GTF2B: variants seen among roughly 807,000 people sequenced by gnomAD.
GTF2B encodes transcription initiation factor IIB.
GTF2B carries 20 observed loss-of-function variants against 34.6 expected under a neutral mutation model. The observed-to-expected ratio is 0.58, with a 90% confidence interval of 0.41 to 0.84. GTF2B has a LOEUF of 0.84. Ranked by LOEUF, GTF2B falls within the 40% of genes least tolerant of loss-of-function variation. The probability of loss-of-function intolerance (pLI) is 0.00; values close to 1 mark genes in which losing one functional copy is unlikely to be tolerated. For synonymous variants in GTF2B, 142 were observed against 132.4 expected, an observed-to-expected ratio of 1.07 and a Z score of -0.50; for missense variants, 237 against 393.3, an observed-to-expected ratio of 0.60 and a Z score of 3.36.
chr1:88,891,534 A>C lies in GTF2B; in HGVS notation c.-35T>G, dbSNP rs768691607. On this transcript the variant is annotated 5_prime_UTR_variant, in exon 1 of 7. Transcript: ENST00000370500. ...GACTGCGGTGCCCGCAACAAGACAC[A>C]ACAGACACACCGAAAGCAGGAAGCG... The C allele has an allele frequency of 5.0e-6, 8 of 1,592,480 alleles. No individual in the cohort carries two copies. The African/African-American group carries it at 5.4e-5, about 11-fold the overall frequency.
At chr1:88,868,676 G>T (rs1293066942) in intron 2 of GTF2B, among the ~76,000 whole-genome samples, 1 of 151,920 alleles carries the variant, frequency 6.6e-6, no homozygotes, top group East Asian at 1.9e-4. Flanking sequence ...AGTCACTTTG[G>T]CACCTATCTT....
At chr1:88,863,737 A>C (rs1673492666) in intron 3 of GTF2B, among the ~76,000 whole-genome samples, 1 of 152,160 alleles carries the variant, frequency 6.6e-6, no homozygotes, top group Admixed American at 6.5e-5. Flanking sequence ...TGTGTACAGA[A>C]AATGTCATTT....
chr1:88,855,216 T>G (rs1673275140), intron 6 of GTF2B, among the ~76,000 whole-genome samples: 1 of 152,258 alleles, frequency 6.6e-6, no homozygotes, highest in Non-Finnish European at 1.5e-5. Context: ...GGATAATGGC[T>G]CCTTCAAATA....
chr1:88,860,298 T>C lies in GTF2B; in HGVS notation c.259-12A>G. 4 of 1,583,104 alleles carry C rather than the reference T, an allele frequency of 2.5e-6. No individual in the cohort carries two copies. Among genetic ancestry groups the C allele is most frequent in the Non-Finnish European group, 3.4e-6 (4 of 1,169,272 alleles). Reference sequence around the variant, plus strand: ...GCAGCTCCTGTGCCCTATAAAACAGTTTTATAACTATGAAAAAATTTTTTG... The same window carrying C: ...GCAGCTCCTGTGCCCTATAAAACAGCTTTATAACTATGAAAAAATTTTTTG... On this transcript the variant is annotated splice_polypyrimidine_tract_variant and intron_variant, in intron 3 of 6. Coordinates refer to ENST00000370500, the MANE Select transcript of GTF2B (RefSeq NM_001514.6).
At chr1:88,863,871 C>T in intron 3 of GTF2B, 110 bp downstream of exon 3, 1 of 856,346 alleles carries the variant, frequency 1.2e-6, no homozygotes, top group Non-Finnish European at 1.9e-6. Flanking sequence ...TCTTATTAGA[C>T]AGGTCAAGAT....
chr1:88,888,535 G>A lies in GTF2B; in HGVS notation c.18-1168C>T, dbSNP rs541522809. The stretch of plus-strand genomic sequence containing the variant: ...GTTGATATAAATTATGAAAAACCAT[G>A]TTGAAATAAAGGAAAATGTTAGCAG... On this transcript the variant is annotated intron_variant, in intron 1 of 6. Coordinates refer to ENST00000370500, the MANE Select transcript of GTF2B (RefSeq NM_001514.6). Among the ~76,000 whole-genome samples the A allele has an allele frequency of 7.9e-5, 12 of 152,224 alleles. No homozygotes were observed. The East Asian group carries it at 1.5e-3, about 20-fold the overall frequency.
chr1:88,862,221 T>C (rs1673454879), intron 3 of GTF2B, among the ~76,000 whole-genome samples: 1 of 152,172 alleles, frequency 6.6e-6, no homozygotes, highest in African/African-American at 2.4e-5. Flanking sequence ...TAGAAATTTA[T>C]TATGTGATAA....
chr1:88,862,969 A>G (rs1673477670), intron 3 of GTF2B, among the ~76,000 whole-genome samples: 1 of 152,050 alleles, frequency 6.6e-6, no homozygotes, highest in East Asian at 1.9e-4. Flanking sequence ...TTGGAAAAAA[A>G]AAAAAAAGAG....
At chr1:88,861,002 T>C (rs1234270371) in intron 3 of GTF2B, among the ~76,000 whole-genome samples, 7 of 152,198 alleles carry the variant, frequency 4.6e-5, no homozygotes, top group Admixed American at 6.5e-5. Flanking sequence ...TATTTGCAGA[T>C]AGTACCTTTA....
At chr1:88,889,914 C>T (rs1039342931) in intron 1 of GTF2B, among the ~76,000 whole-genome samples, 4 of 151,954 alleles carry the variant, frequency 2.6e-5, no homozygotes, top group African/African-American at 9.7e-5. Flanking sequence ...GTGGTGTGTA[C>T]CTATGGTCCC....
intron 2 of GTF2B, among the ~76,000 whole-genome samples, chr1:88,884,991 G>C (rs1047245632): frequency 6.6e-6 from 1 of 152,204 alleles, no homozygotes; most frequent in Non-Finnish European, 1.5e-5. Flanking sequence ...TGTTATAACT[G>C]CATCACTGCA....
chr1:88,869,531 C>T (rs1249204147), intron 2 of GTF2B, among the ~76,000 whole-genome samples: 1 of 152,126 alleles, frequency 6.6e-6, no homozygotes, highest in African/African-American at 2.4e-5. Flanking sequence ...ATTTCATTCA[C>T]ATGAAGTTGA....
intron 2 of GTF2B, among the ~76,000 whole-genome samples, chr1:88,880,773 G>A (rs555203420): frequency 2.6e-4 from 39 of 152,200 alleles, no homozygotes; most frequent in African/African-American, 8.7e-4. Context: ...TTGGGAGGCC[G>A]AGGCTGGGGG....
At chr1:88,857,729 C>A in intron 5 of GTF2B, among the ~76,000 whole-genome samples, 1 of 115,644 alleles carries the variant, frequency 8.6e-6, no homozygotes, top group Admixed American at 1.2e-4. Context: ...GTCGCCCAGA[C>A]TAAGGGTAGT....
At chr1:88,871,765 CTT>C (rs778377346) in intron 2 of GTF2B, among the ~76,000 whole-genome samples, 1 of 152,146 alleles carries the variant, frequency 6.6e-6, no homozygotes, top group Non-Finnish European at 1.5e-5. Flanking sequence ...GAGTTTCACT[CTT>C]GTTGGCCAGG....
chr1:88,871,724 CTTTT>C (rs1441648301), intron 2 of GTF2B, among the ~76,000 whole-genome samples: 1 of 152,088 alleles, frequency 6.6e-6, no homozygotes, highest in African/African-American at 2.4e-5. Flanking sequence ...AAAGACTGCT[CTTTT>C]TATTTATTAT....
intron 1 of GTF2B, chr1:88,887,622 G>A: frequency 2.6e-6 from 1 of 389,908 alleles, no homozygotes; most frequent in Non-Finnish European, 4.8e-6. Context: ...GAAAATAATT[G>A]TTTCTTCTCT....
intron 2 of GTF2B, among the ~76,000 whole-genome samples, chr1:88,867,804 T>C (rs1025149099): frequency 2.6e-5 from 4 of 152,208 alleles, no homozygotes; most frequent in Non-Finnish European, 4.4e-5. Context: ...TTTTATTTTT[T>C]TTAAATGGAT....
chr1:88,853,003 T>C lies in GTF2B; in HGVS notation c.*210A>G. The C allele has an allele frequency of 4.1e-6, 2 of 486,260 alleles. No homozygotes were observed. Among genetic ancestry groups the C allele is most frequent in the South Asian group, 3.2e-5 (1 of 31,278 alleles). The allele number at this position is 486,260 out of a possible 1,614,324, so 30.1% of individuals were successfully genotyped here. A position where few individuals can be genotyped will look rare whatever the true frequency, so the allele number is the denominator to read the frequency against. ...ATCTTCCAAAATACAGTTTCCTAGA[T>C]TGCTACAAAAGAAATTTGATAAGAA... On this transcript the variant is annotated 3_prime_UTR_variant, in exon 7 of 7. Transcript: ENST00000370500.
Sources: allele counts gnomAD v4.1 joint callset (sites outside exome capture counted in the v4.1 genomes callset), GRCh38; gene constraint gnomAD v4.1.1; transcripts MANE v1.5; gene names NCBI Gene and HGNC (gene_info 2026-07-23, HGNC 2026-07-21).